The following MAP6 variants were observed in gnomAD, a reference collection of about 807,000 sequenced individuals.
The protein encoded by MAP6 is microtubule associated protein 6, also known as microtubule-associated protein 6.
MAP6 carries 26 observed loss-of-function variants against 42.4 expected under a neutral mutation model. The ratio of observed to expected loss-of-function variants is 0.61; its 90% CI spans 0.45 to 0.85. The LOEUF (loss-of-function observed/expected upper bound fraction) is 0.85, where lower values mean the gene tolerates loss of function less well. Ranked by LOEUF, MAP6 falls within the 40% of genes least tolerant of loss-of-function variation. MAP6 has a pLI of 0.00. For missense variants in MAP6, 966 were observed against 1,099.0 expected (o/e 0.88, Z 1.71); for synonymous variants, 418 against 443.8 (o/e 0.94, Z 0.73).
chr11:75,663,119 G>A (rs1440724939), intron 1 of MAP6, among the ~76,000 whole-genome samples: 4 of 151,818 alleles, frequency 2.6e-5, no homozygotes, highest in South Asian at 4.2e-4. Context: ...ACCCCACCAC[G>A]CCCGGCTAAT....
intron 3 of MAP6, among the ~76,000 whole-genome samples, chr11:75,592,281 A>T (rs942173917): frequency 6.6e-6 from 1 of 152,336 alleles, no homozygotes; most frequent in East Asian, 1.9e-4. Context: ...TCCCCACTGC[A>T]GGCCAGGCTC....
chr11:75,638,232 C>T (rs1943405411), intron 1 of MAP6, among the ~76,000 whole-genome samples: 1 of 152,154 alleles, frequency 6.6e-6, no homozygotes, highest in Non-Finnish European at 1.5e-5. Flanking sequence ...AAGTGTCCTA[C>T]TCAAGATAAT....
At chr11:75,646,499 TAAAAAAAAA>T (rs763735730) in intron 1 of MAP6, among the ~76,000 whole-genome samples, 1 of 66,690 alleles carries the variant, frequency 1.5e-5, no homozygotes, top group African/African-American at 7.1e-5. Context: ...CCATCTCTAT[TAAAAAAAAA>T]AAAAAAAAAA....
rs12577652 is a variant in MAP6, at chr11:75,607,619, G to A, written c.1119+490C>T. 4,612 of 985,368 alleles carry A rather than the reference G, an allele frequency of 4.7e-3. 125 individuals are homozygous for A. In the East Asian group the frequency reaches 0.12, roughly 26 times the overall value. 61.0% of individuals were successfully genotyped at this position (985,368 alleles called of 1,614,324 possible). On this transcript the variant is annotated intron_variant, in intron 2 of 3. Transcript: ENST00000304771. ...AGTCATAGTGGATGGTGTTTAGCCC[G>A]AGAAGATGAGAGAGGGCAGGTGCTT...
chr11:75,628,474 C>T (rs549449534), intron 1 of MAP6, among the ~76,000 whole-genome samples: 7 of 152,316 alleles, frequency 4.6e-5, no homozygotes, highest in East Asian at 1.9e-4. Context: ...GCCTCCTCCC[C>T]GCCCTTGCTC....
chr11:75,598,073 T>C (rs1225860733), intron 3 of MAP6, among the ~76,000 whole-genome samples: 2 of 152,220 alleles, frequency 1.3e-5, no homozygotes, highest in Non-Finnish European at 2.9e-5. Flanking sequence ...CTTTCAGAGC[T>C]CTTGCCACCT....
chr11:75,612,990 A>G (rs1942927837), intron 1 of MAP6, among the ~76,000 whole-genome samples: 2 of 152,148 alleles, frequency 1.3e-5, no homozygotes, highest in Non-Finnish European at 2.9e-5. Context: ...TTATGACAGA[A>G]TCCTACTCTT....
intron 1 of MAP6, chr11:75,638,420 C>T (rs1328422959): frequency 2.0e-5 from 3 of 152,210 alleles, no homozygotes; most frequent in Admixed American, 6.5e-5. Flanking sequence ...CCAACTTCCC[C>T]AGCTGTCACC....
In MAP6 at chr11:75,587,161, C is replaced by T. The variant is rs151285396; in HGVS notation, c.2340G>A (p.Lys780=). Residue 780 remains lysine, a synonymous_variant, in exon 4 of 4, where the codon AAG becomes AAA. Coordinates refer to ENST00000304771, the MANE Select transcript of MAP6 (RefSeq NM_033063.2). ...DQGPAVPEPL[K]TQGPRDPQLP... is the part of the protein sequence containing the mutation. ...GCTGAGGGTCCCTGGGACCTTGAGT[C>T]TTCAGAGGTTCAGGGACTGCAGGAC... 1.4e-3 allele frequency: 2,225 copies of T among 1,614,046 alleles called. 32 individuals carry two copies. The African/African-American group carries it at 0.026, about 19-fold the overall frequency.
At chr11:75,651,979 G>T (rs571003347) in intron 1 of MAP6, among the ~76,000 whole-genome samples, 1 of 152,240 alleles carries the variant, frequency 6.6e-6, no homozygotes, top group East Asian at 1.9e-4. Flanking sequence ...TTTTGTAGAT[G>T]AATGTTTGCA....
chr11:75,588,678 T>C (rs1267980121), intron 3 of MAP6, among the ~76,000 whole-genome samples: 2 of 152,108 alleles, frequency 1.3e-5, no homozygotes, highest in Non-Finnish European at 2.9e-5. Flanking sequence ...CTGACCCCCT[T>C]GTTAAGTGCT....
intron 1 of MAP6, chr11:75,642,652 C>T (rs1010571007): frequency 4.6e-5 from 9 of 193,620 alleles, no homozygotes; most frequent in Admixed American, 2.1e-4. Context: ...ATAAGACACA[C>T]ATTGTGCTTC....
chr11:75,637,113 TTTG>T (rs1278797177), intron 1 of MAP6, among the ~76,000 whole-genome samples: 1 of 152,204 alleles, frequency 6.6e-6, no homozygotes, highest in Non-Finnish European at 1.5e-5. Context: ...TCCAAAACTA[TTTG>T]TTAAGTGAAT....
intron 3 of MAP6, among the ~76,000 whole-genome samples, 180 bp from the exon 4 acceptor site, chr11:75,588,364 G>C (rs1308750561): frequency 6.6e-6 from 1 of 151,758 alleles, no homozygotes; most frequent in African/African-American, 2.4e-5. Flanking sequence ...GTGAGGGAGG[G>C]GGGTGAGGTG....
At chr11:75,600,378 T>C (rs1942645913) in intron 3 of MAP6, among the ~76,000 whole-genome samples, 1 of 152,242 alleles carries the variant, frequency 6.6e-6, no homozygotes, top group Non-Finnish European at 1.5e-5. Flanking sequence ...CCAGTATTCA[T>C]AGGGTAAATA....
chr11:75,615,692 G>A (rs977869307), intron 1 of MAP6, among the ~76,000 whole-genome samples: 8 of 152,184 alleles, frequency 5.3e-5, no homozygotes, highest in Non-Finnish European at 7.3e-5. Flanking sequence ...CCAGCGCCAG[G>A]CTTCTTTCTG....
intron 1 of MAP6, among the ~76,000 whole-genome samples, chr11:75,647,825 G>A (rs1437844084): frequency 1.3e-5 from 2 of 152,098 alleles, no homozygotes; most frequent in Non-Finnish European, 2.9e-5. Flanking sequence ...AAATACGAAA[G>A]GATAAATGTC....
At chr11:75,603,251 G>A (rs61895119) in intron 3 of MAP6, 37,321 of 985,554 alleles carry the variant, frequency 0.038, 756 homozygotes, top group Non-Finnish European at 0.04. Flanking sequence ...AGGGAAGGAC[G>A]GAGAACCACA....
At chr11:75,622,719 C>A (rs1372479036) in intron 1 of MAP6, among the ~76,000 whole-genome samples, 2 of 152,186 alleles carry the variant, frequency 1.3e-5, no homozygotes, top group Admixed American at 1.3e-4. Flanking sequence ...TTTACACTAC[C>A]TGATTTCAAA....
Sources: allele counts gnomAD v4.1 joint callset (sites outside exome capture counted in the v4.1 genomes callset), GRCh38; gene constraint gnomAD v4.1.1; transcripts MANE v1.5; gene names NCBI Gene and HGNC (gene_info 2026-07-23, HGNC 2026-07-21).